Variants in EPDR1 observed in about 807,000 individuals in gnomAD.
The protein encoded by EPDR1 is mammalian ependymin-related protein 1.
In EPDR1, 27 loss-of-function variants were observed where a neutral mutation model predicts 23.7. The observed-to-expected ratio is 1.14, with a 90% CI of 0.84 to 1.57. The LOEUF is 1.57. Among genes scored for constraint, EPDR1 ranks in the 40% most tolerant of loss-of-function variants. The probability of loss-of-function intolerance (pLI) is 0.00; values close to 1 mark genes in which losing one functional copy is unlikely to be tolerated. For synonymous variants in EPDR1, 137 were observed against 118.2 expected (o/e 1.16, Z -1.03); for missense variants, 349 against 290.4 (o/e 1.20, Z -1.47).
Position 37,950,193 on chromosome 7 carries a change from CT to C in EPDR1, c.479-5del. ...TTATTTAAAAGTCAACTTTTTTCCT[CT>C]TATAGATGAAACCTGGATTGGCATC... On this transcript the variant is annotated splice_polypyrimidine_tract_variant and splice_region_variant and intron_variant, in intron 2 of 2. Coordinates refer to ENST00000199448, the MANE Select transcript of EPDR1 (RefSeq NM_017549.5). The C allele has an allele frequency of 6.3e-7, 1 of 1,586,190 alleles. No individual in the cohort carries two copies. The highest frequency in any genetic ancestry group is 8.6e-7 in the Non-Finnish European group (1 of 1,161,826).
intron 1 of EPDR1, among the ~76,000 whole-genome samples, chr7:37,945,742 CA>C (rs1174681915): frequency 1.3e-5 from 2 of 152,034 alleles, no homozygotes; most frequent in Admixed American, 6.6e-5. Context: ...TATTCTAAGT[CA>C]GGGGTACATG....
At chr7:37,929,789 C>T (rs1305901273) in intron 1 of EPDR1, among the ~76,000 whole-genome samples, 2 of 152,154 alleles carry the variant, frequency 1.3e-5, no homozygotes, top group African/African-American at 4.8e-5. Flanking sequence ...AGAGTGGATG[C>T]CCCAAACTCC....
chr7:37,921,399 C>T, intron 1 of EPDR1, 191 bp downstream of exon 1: 1 of 1,388,464 alleles, frequency 7.2e-7, no homozygotes, highest in Non-Finnish European at 9.3e-7. Flanking sequence ...CTGCGCCCAC[C>T]GAGGGCGGCC....
At chr7:37,924,969 A>G (rs902873593) in intron 1 of EPDR1, among the ~76,000 whole-genome samples, 2 of 152,208 alleles carry the variant, frequency 1.3e-5, no homozygotes, top group African/African-American at 4.8e-5. Flanking sequence ...AATCCCATTG[A>G]TAGTTACTGT....
At chr7:37,922,754 A>C (rs929917020) in intron 1 of EPDR1, among the ~76,000 whole-genome samples, 7 of 152,124 alleles carry the variant, frequency 4.6e-5, no homozygotes, top group African/African-American at 1.7e-4. Flanking sequence ...ACTGTGTATA[A>C]ACAGAATGGC....
intron 1 of EPDR1, among the ~76,000 whole-genome samples, chr7:37,923,906 C>G (rs937351566): frequency 6.6e-6 from 1 of 152,162 alleles, no homozygotes; most frequent in African/African-American, 2.4e-5. Context: ...ACAAGATGCT[C>G]TGTTCATGGC....
chr7:37,930,481 C>T (rs1583663980), intron 1 of EPDR1, among the ~76,000 whole-genome samples: 1 of 152,232 alleles, frequency 6.6e-6, no homozygotes, highest in South Asian at 2.1e-4. Context: ...AATGCCACAT[C>T]AGGTGCTGTA....
At chr7:37,936,037 T>TACACAC (rs1410736413) in intron 1 of EPDR1, among the ~76,000 whole-genome samples, 2 of 74,718 alleles carry the variant, frequency 2.7e-5, no homozygotes, top group African/African-American at 9.2e-5. Context: ...TATATATATA[T>TACACAC]ATACACAAGG....
chr7:37,940,998 C>T (rs190987772), intron 1 of EPDR1, among the ~76,000 whole-genome samples: 8 of 152,052 alleles, frequency 5.3e-5, no homozygotes, highest in Non-Finnish European at 7.4e-5. Context: ...CACCTTGTGT[C>T]GTAGAACATC....
In EPDR1 at chr7:37,950,704, A is replaced by G. The variant is rs1786386933; in HGVS notation, c.*308A>G. 1 of 267,766 alleles carries G rather than the reference A, an allele frequency of 3.7e-6. No individual in the cohort carries two copies. Among genetic ancestry groups the G allele is most frequent in the Non-Finnish European group, 7.0e-6 (1 of 143,006 alleles). The allele number at this position is 267,766 out of a possible 1,614,324, so 16.6% of individuals were successfully genotyped here. ...ACGGGTATACACATAATGCAGTGCC[A>G]TGCACATAGGGAAGGGTCAGTAAGA... On this transcript the variant is annotated 3_prime_UTR_variant, in exon 3 of 3. Transcript: ENST00000199448.
chr7:37,938,338 C>A (rs1786101992), intron 1 of EPDR1, among the ~76,000 whole-genome samples: 2 of 152,012 alleles, frequency 1.3e-5, no homozygotes, highest in Admixed American at 1.3e-4. Context: ...TCAGAGGGAG[C>A]CAAATCAGGA....
intron 1 of EPDR1, among the ~76,000 whole-genome samples, chr7:37,933,984 T>G (rs888499454): frequency 2.0e-5 from 3 of 151,214 alleles, no homozygotes; most frequent in Non-Finnish European, 3.0e-5. Context: ...TTCTTTTTTT[T>G]TTTTTTTTTT....
intron 1 of EPDR1, among the ~76,000 whole-genome samples, chr7:37,933,849 C>G (rs1363974347): frequency 1.3e-5 from 2 of 152,186 alleles, no homozygotes; most frequent in Non-Finnish European, 2.9e-5. Context: ...GAAAATCTGA[C>G]TAGCAAATGC....
rs1786180689 is a variant in EPDR1 at position 37,942,091 on chromosome 7, C to G, written c.270-6749C>G. Among the ~76,000 whole-genome samples the G allele has an allele frequency of 2.0e-5, 3 of 151,970 alleles. No individual in the cohort carries two copies. In the South Asian group the frequency reaches 6.2e-4, roughly 31 times the overall value. On this transcript the variant is annotated intron_variant, in intron 1 of 2. Transcript: ENST00000199448. ...GAATTTAAAATGCATAGTTAGAAAACAAATAAATGATAGGCACTCATTTGC... is the reference window on the plus strand; with the variant it reads ...GAATTTAAAATGCATAGTTAGAAAAGAAATAAATGATAGGCACTCATTTGC...
intron 1 of EPDR1, among the ~76,000 whole-genome samples, chr7:37,928,583 C>A (rs1271542422): frequency 6.6e-6 from 1 of 152,186 alleles, no homozygotes; most frequent in Non-Finnish European, 1.5e-5. Flanking sequence ...CATTACTAAT[C>A]AACCAATCTT....
chr7:37,926,854 C>A, intron 1 of EPDR1: 1 of 319,232 alleles, frequency 3.1e-6, no homozygotes, highest in African/African-American at 2.1e-5. Flanking sequence ...ATATCCCATT[C>A]TTCATTAATC....
intron 1 of EPDR1, among the ~76,000 whole-genome samples, chr7:37,937,539 C>T (rs909388366): frequency 2.0e-5 from 3 of 152,148 alleles, no homozygotes; most frequent in Non-Finnish European, 2.9e-5. Flanking sequence ...AATGAACAGT[C>T]AGTTCATGGA....
intron 2 of EPDR1, among the ~76,000 whole-genome samples, chr7:37,949,744 A>C (rs932181944): frequency 2.6e-5 from 4 of 152,254 alleles, no homozygotes; most frequent in Non-Finnish European, 5.9e-5. Flanking sequence ...TGGATAAACA[A>C]AATCTGGTAT....
At chr7:37,948,804 G>A (rs368501649) in intron 1 of EPDR1, 36 bp from the exon 2 acceptor site, 2 of 1,568,016 alleles carry the variant, frequency 1.3e-6, no homozygotes, top group African/African-American at 1.4e-5. Flanking sequence ...ATGGTAACAT[G>A]AAGTCCCAAA....
Sources: allele counts gnomAD v4.1 joint callset (sites outside exome capture counted in the v4.1 genomes callset), GRCh38; gene constraint gnomAD v4.1.1; transcripts MANE v1.5; gene names NCBI Gene and HGNC (gene_info 2026-07-23, HGNC 2026-07-21).